The following NEGR1 variants were observed in gnomAD, a reference collection of about 807,000 sequenced individuals.
NEGR1 encodes the protein IgLON family member 4.
Under a neutral mutation model 40.9 loss-of-function variants are expected in NEGR1, and 10 were observed. The observed-to-expected ratio is 0.24, with a 90% CI of 0.15 to 0.42. The LOEUF (loss-of-function observed/expected upper bound fraction) is 0.42. Ranked by LOEUF, NEGR1 falls within the 10% of genes least tolerant of loss-of-function variation. The probability of loss-of-function intolerance (pLI) is 1.00; values close to 1 mark genes in which losing one functional copy is unlikely to be tolerated. For synonymous variants in NEGR1, 185 were observed against 166.8 expected (o/e 1.11, Z -0.84); for missense variants, 352 against 438.9 (o/e 0.80, Z 1.77).
intron 4 of NEGR1, among the ~76,000 whole-genome samples, chr1:71,611,560 T>C (rs972041139): frequency 3.3e-5 from 5 of 152,176 alleles, no homozygotes; most frequent in African/African-American, 1.2e-4. Flanking sequence ...CTAAGCTTGA[T>C]GGTATTATCT....
chr1:71,928,440 A>ACATATG lies in NEGR1; in HGVS notation c.409+6638_409+6639insCATATG, dbSNP rs1491248764. The stretch of plus-strand genomic sequence containing the variant: ...TATACACACATATGTATATATACAC[A>ACATATG]TATATATGTATATATACACACATAC... On this transcript the variant is annotated intron_variant, in intron 2 of 6. Coordinates refer to ENST00000357731, the MANE Select transcript of NEGR1 (RefSeq NM_173808.3). Among the ~76,000 whole-genome samples the ACATATG allele has an allele frequency of 1.0e-4, 10 of 98,516 alleles. 1 individual carries two copies. Among genetic ancestry groups the ACATATG allele is most frequent in the African/African-American group, 2.8e-4 (8 of 28,880 alleles). The allele number at this position is 98,516 out of a possible 152,430, so 64.6% of individuals were successfully genotyped here.
intron 1 of NEGR1, among the ~76,000 whole-genome samples, chr1:71,988,923 T>TAAAAAA (rs10604833): frequency 1.2e-4 from 10 of 82,234 alleles, no homozygotes; most frequent in African/African-American, 5.2e-4. Context: ...TATTGGATGT[T>TAAAAAA]AAAAAAAAAA....
At chr1:71,862,256 G>A (rs936023996) in intron 2 of NEGR1, among the ~76,000 whole-genome samples, 1 of 151,876 alleles carries the variant, frequency 6.6e-6, no homozygotes, top group Non-Finnish European at 1.5e-5. Flanking sequence ...AACTAAAAAG[G>A]GTCAAAAAAG....
At chr1:71,642,529 C>G (rs1651387562) in intron 4 of NEGR1, among the ~76,000 whole-genome samples, 1 of 151,820 alleles carries the variant, frequency 6.6e-6, no homozygotes, top group Admixed American at 6.6e-5. Flanking sequence ...CAATCACTTT[C>G]CCATAATCTT....
intron 4 of NEGR1, among the ~76,000 whole-genome samples, chr1:71,630,288 T>G (rs1250083662): frequency 2.0e-5 from 3 of 151,948 alleles, no homozygotes; most frequent in Non-Finnish European, 4.4e-5. Context: ...AAGCAGTTTA[T>G]GTGTTTGTTT....
At chr1:71,656,625 C>T (rs372198967) in intron 4 of NEGR1, among the ~76,000 whole-genome samples, 1 of 152,294 alleles carries the variant, frequency 6.6e-6, no homozygotes, top group South Asian at 2.1e-4. Flanking sequence ...TGGTCTCGAT[C>T]TCCTGACCTC....
chr1:71,659,047 T>C (rs1651969117), intron 4 of NEGR1, among the ~76,000 whole-genome samples: 2 of 152,166 alleles, frequency 1.3e-5, no homozygotes, highest in Admixed American at 1.3e-4. Flanking sequence ...GCGGACCTCA[T>C]GGAAAGACCA....
chr1:71,847,101 G>C (rs1659444966), intron 2 of NEGR1, among the ~76,000 whole-genome samples: 1 of 152,038 alleles, frequency 6.6e-6, no homozygotes, highest in Non-Finnish European at 1.5e-5. Flanking sequence ...TCACAGTATA[G>C]ACCATTTGAC....
At chr1:71,861,318 C>T (rs1281931190) in intron 2 of NEGR1, among the ~76,000 whole-genome samples, 1 of 151,992 alleles carries the variant, frequency 6.6e-6, no homozygotes, top group Non-Finnish European at 1.5e-5. Context: ...AAACACCATA[C>T]ACTATTATTA....
chr1:72,135,381 A>C (rs1342869307), intron 1 of NEGR1, among the ~76,000 whole-genome samples: 7 of 143,648 alleles, frequency 4.9e-5, no homozygotes, highest in African/African-American at 1.3e-4. Flanking sequence ...GTCTCAAAAA[A>C]AAAAAAAACA....
rs1569835102 is a variant in NEGR1 at position 71,407,243 on chromosome 1, G to A, written c.*203C>T. 3 of 454,150 alleles carry A rather than the reference G, an allele frequency of 6.6e-6. No homozygotes were observed. Among genetic ancestry groups the A allele is most frequent in the Non-Finnish European group, 8.0e-6 (2 of 249,780 alleles). The allele number at this position is 454,150 out of a possible 1,614,324, so 28.1% of individuals were successfully genotyped here. A position where few individuals can be genotyped will look rare whatever the true frequency, so the allele number is the denominator to read the frequency against. ...TCACGTCTTAAAAAAAGGACAATGTGTACTGCTTCACAAGGTAATGTAGCT... is the reference window on the plus strand; with the variant it reads ...TCACGTCTTAAAAAAAGGACAATGTATACTGCTTCACAAGGTAATGTAGCT... On this transcript the variant is annotated 3_prime_UTR_variant, in exon 7 of 7. Coordinates refer to ENST00000357731, the MANE Select transcript of NEGR1 (RefSeq NM_173808.3).
At chr1:71,734,255 T>A (rs1173526326) in intron 3 of NEGR1, among the ~76,000 whole-genome samples, 2 of 152,218 alleles carry the variant, frequency 1.3e-5, no homozygotes, top group Non-Finnish European at 2.9e-5. Flanking sequence ...ATAGAGCTGG[T>A]TGGCTGAAGC....
chr1:71,706,990 T>A (rs1653922861), intron 3 of NEGR1, among the ~76,000 whole-genome samples: 1 of 152,016 alleles, frequency 6.6e-6, no homozygotes, highest in African/African-American at 2.4e-5. Flanking sequence ...CAGTGCTGTC[T>A]TGTTAGAGCA....
intron 1 of NEGR1, among the ~76,000 whole-genome samples, chr1:72,242,538 C>T (rs1654779234): frequency 6.6e-6 from 1 of 151,470 alleles, no homozygotes; most frequent in Non-Finnish European, 1.5e-5. Flanking sequence ...TTCATTTATT[C>T]ATTTAACAGA....
chr1:71,864,672 A>T (rs972870233), intron 2 of NEGR1, among the ~76,000 whole-genome samples: 1 of 152,150 alleles, frequency 6.6e-6, no homozygotes, highest in Non-Finnish European at 1.5e-5. Flanking sequence ...ACAAGACAGG[A>T]GCTATTTCCA....
intron 3 of NEGR1, among the ~76,000 whole-genome samples, chr1:71,757,735 A>G (rs1274643658): frequency 6.6e-6 from 1 of 152,132 alleles, no homozygotes; most frequent in African/African-American, 2.4e-5. Context: ...GTGATTGCCC[A>G]GTAAACATTC....
intron 2 of NEGR1, among the ~76,000 whole-genome samples, chr1:71,796,103 A>C (rs1657315223): frequency 6.6e-6 from 1 of 152,128 alleles, no homozygotes; most frequent in Non-Finnish European, 1.5e-5. Flanking sequence ...TCTATATTCT[A>C]ATTTTTAACA....
intron 3 of NEGR1, among the ~76,000 whole-genome samples, chr1:71,713,720 G>A (rs1003014387): frequency 6.6e-6 from 1 of 152,118 alleles, no homozygotes; most frequent in African/African-American, 2.4e-5. Flanking sequence ...TGTAATAATT[G>A]TCACACCACC....
chr1:71,777,232 A>T (rs566532582), intron 2 of NEGR1, among the ~76,000 whole-genome samples: 3 of 152,232 alleles, frequency 2.0e-5, no homozygotes, highest in South Asian at 2.1e-4. Flanking sequence ...TATTTAATTT[A>T]TCTCAGCCTC....
Sources: allele counts gnomAD v4.1 joint callset (sites outside exome capture counted in the v4.1 genomes callset), GRCh38; gene constraint gnomAD v4.1.1; transcripts MANE v1.5; gene names NCBI Gene and HGNC (gene_info 2026-07-23, HGNC 2026-07-21).